CEP250: variants seen among roughly 807,000 people sequenced by gnomAD.
The protein encoded by CEP250 is centrosomal protein 250.
CEP250 carries 242 observed loss-of-function variants against 315.7 expected under a neutral mutation model. The observed-to-expected ratio is 0.77, with a 90% CI of 0.69 to 0.85. CEP250 has a LOEUF of 0.85. Ranked by LOEUF, CEP250 falls within the 40% of genes least tolerant of loss-of-function variation. The pLI, the probability that CEP250 is intolerant of heterozygous loss-of-function variation, is 0.00. For missense variants in CEP250, 2,515 were observed against 2,886.4 expected (o/e 0.87, Z 2.95); for synonymous variants, 1,088 against 1,175.0 (o/e 0.93, Z 1.51).
chr20:35,477,865 C>T lies in CEP250; in HGVS notation c.1864-6C>T. The T allele has an allele frequency of 6.4e-7, 1 of 1,564,722 alleles. No homozygotes were observed. The highest frequency in any genetic ancestry group is 8.7e-7 in the Non-Finnish European group (1 of 1,155,392). On this transcript the variant is annotated splice_polypyrimidine_tract_variant and splice_region_variant and intron_variant, in intron 16 of 34. Transcript: ENST00000397527. Reference sequence around the variant, plus strand: ...GCTTGTACTCCCTTCCCTTTTTGGCCAGTAGTTAGAGGAGGAGAACCAGTC... The same window carrying T: ...GCTTGTACTCCCTTCCCTTTTTGGCTAGTAGTTAGAGGAGGAGAACCAGTC...
At position 35,502,565 on chromosome 20, in the gene CEP250, G is replaced by A. The variant is rs772173920; in HGVS notation, c.4196G>A (p.Arg1399His). The A allele has an allele frequency of 1.5e-5, 24 of 1,614,080 alleles. No individual in the cohort carries two copies. Among genetic ancestry groups the A allele is most frequent in the Admixed American group, 3.3e-5 (2 of 60,002 alleles). ...AAAAATGAGGAAGTAGAGAGTGAGC[G>A]TGAGAGAGCCCAGGCTCTGCAAGAG... ...KLKNEEVESE[R>H]ERAQALQEQG... is the part of the protein sequence containing the mutation. Residue 1399 changes from arginine to histidine, a missense_variant, in exon 30 of 35, where the codon CGT becomes CAT. Transcript: ENST00000397527.
chr20:35,473,842 C>G, intron 13 of CEP250, 28 bp from the exon 14 acceptor site: 1 of 1,592,420 alleles, frequency 6.3e-7, no homozygotes. Context: ...CCTATGGTCT[C>G]TGCTCATCTC....
intron 22 of CEP250, among the ~76,000 whole-genome samples, chr20:35,492,865 T>TTA (rs1270704839): frequency 6.6e-6 from 1 of 152,076 alleles, no homozygotes; most frequent in African/African-American, 2.4e-5. Flanking sequence ...GTAGCTGGGA[T>TTA]TACAGGTGCC....
intron 29 of CEP250, 41 bp from the exon 30 acceptor site, chr20:35,502,349 G>T: frequency 6.6e-7 from 1 of 1,514,504 alleles, no homozygotes; most frequent in East Asian, 2.3e-5. Context: ...GACAGTAGCA[G>T]GGAAGTGTAG....
intron 11 of CEP250, 88 bp from the exon 12 acceptor site, chr20:35,472,585 C>G: frequency 7.5e-7 from 1 of 1,326,306 alleles, no homozygotes; most frequent in Non-Finnish European, 1.1e-6. Context: ...AGGAAAACAT[C>G]AGGTTTGTCC....
chr20:35,466,853 C>T, intron 7 of CEP250, 113 bp from the exon 8 acceptor site: 1 of 680,964 alleles, frequency 1.5e-6, no homozygotes, highest in Non-Finnish European at 2.7e-6. Flanking sequence ...CATAAACTAT[C>T]TCCTGTAAGT....
rs2064228898 is a variant in CEP250 at position 35,507,739 on chromosome 20, A to G, written c.6638A>G (p.Asp2213Gly). 6.4e-7 allele frequency: 1 copy of G among 1,552,816 alleles called. No homozygotes were observed. The highest frequency in any genetic ancestry group is 1.4e-5 in the African/African-American group (1 of 73,180). The part of the protein sequence containing the change: ...ERDSEQQRLQ[D>G]ELELTRRALE... ...TTGCTCCATACCTCCGTACCCTAGG[A>G]TGAACTGGAGCTCACCAGACGGGCT... Residue 2213 changes from aspartate (D) to glycine (G), a missense_variant and splice_region_variant, in exon 31 of 35, where the codon GAT becomes GGT. Transcript: ENST00000397527.
In CEP250 at chr20:35,480,057, T is replaced by G. The variant is rs759275943; in HGVS notation, c.2498T>G (p.Leu833Arg). ...EQERDAAARQ[L>R]AQAEQEGKTA... ...GAGCGGGATGCTGCAGCCAGACAGCTGGCCCAGGCTGAGCAAGAAGGGAAG... is the reference window on the plus strand; with the variant it reads ...GAGCGGGATGCTGCAGCCAGACAGCGGGCCCAGGCTGAGCAAGAAGGGAAG... The change falls in exon 20 of 35, where the codon CTG (leucine) becomes CGG (arginine). Residue 833 changes from leucine (L) to arginine (R), a missense_variant. Leu to Arg is a moderately radical substitution (Grantham distance 102). Coordinates refer to ENST00000397527, the MANE Select transcript of CEP250 (RefSeq NM_007186.6). The G allele has an allele frequency of 3.7e-6, 6 of 1,613,198 alleles. No homozygotes were observed. The highest frequency in any genetic ancestry group is 5.1e-6 in the Non-Finnish European group (6 of 1,180,018).
rs1191128360 is a variant in CEP250 at position 35,462,422 on chromosome 20, G to C, written c.55G>C (p.Val19Leu). ...CATGAAGCCCCAGTCACTGCAGCTGGTACTGGAAGAGCAGGTGCTGGCACT... is the reference window on the plus strand; with the variant it reads ...CATGAAGCCCCAGTCACTGCAGCTGCTACTGGAAGAGCAGGTGCTGGCACT... ...NNMKPQSLQLVLEEQVLALQQ... is the reference protein window; with the variant it reads ...NNMKPQSLQLLLEEQVLALQQ... Residue 19 changes from valine (V) to leucine (L), a missense_variant, in exon 4 of 35, where the codon GTA becomes CTA. Physicochemically the swap from Val to Leu is conservative, Grantham distance 32. Transcript: ENST00000397527. The C allele has an allele frequency of 6.2e-7, 1 of 1,601,938 alleles. No homozygotes were observed.
intron 32 of CEP250, 127 bp downstream of exon 32, chr20:35,508,317 GTT>G: frequency 1.6e-5 from 13 of 837,668 alleles, no homozygotes; most frequent in Admixed American, 5.9e-5. Context: ...AATTAAGTTT[GTT>G]TTTTTTTTTC....
intron 12 of CEP250, 146 bp downstream of exon 12, chr20:35,472,977 C>G (rs1189806945): frequency 1.3e-6 from 1 of 742,086 alleles, no homozygotes; most frequent in Admixed American, 2.8e-5. Flanking sequence ...GTAAATCTGC[C>G]TATGTCTGCT....
rs1321762009 is a variant in CEP250 at position 35,504,472 on chromosome 20, G to A, written c.6103G>A (p.Glu2035Lys). 2 of 1,613,554 alleles carry A rather than the reference G, an allele frequency of 1.2e-6. No individual in the cohort carries two copies. Among genetic ancestry groups the A allele is most frequent in the East Asian group, 2.2e-5 (1 of 44,868 alleles). The change falls in exon 30 of 35, where the codon GAG becomes AAG. Residue 2035 changes from glutamate (E) to lysine (K), a missense_variant. By Grantham distance (56) the Glu-to-Lys change is moderately conservative. Coordinates refer to ENST00000397527, the MANE Select transcript of CEP250 (RefSeq NM_007186.6). ...CCAGGACCAGGATCTCCGATACCAG[G>A]AGGATGTGCAGCAGCTGCAGCAGGC... is the stretch of plus-strand genomic sequence containing the variant. ...EIQDQDLRYQ[E>K]DVQQLQQALA... is the part of the protein sequence containing the mutation.
chr20:35,473,362 C>T lies in CEP250; in HGVS notation c.1210-12C>T. The T allele has an allele frequency of 6.2e-7, 1 of 1,602,912 alleles. No individual in the cohort carries two copies. The highest frequency in any genetic ancestry group is 8.5e-7 in the Non-Finnish European group (1 of 1,173,966). ...TGTTCATCATCTGGTTTCTCTTGCT[C>T]TCTCTCCACAGGACCTAAGGCAGCA... On this transcript the variant is annotated splice_polypyrimidine_tract_variant and intron_variant, in intron 12 of 34. Transcript: ENST00000397527.
intron 2 of CEP250, among the ~76,000 whole-genome samples, chr20:35,459,538 T>C (rs1409966147): frequency 6.6e-6 from 1 of 151,882 alleles, no homozygotes; most frequent in Non-Finnish European, 1.5e-5. Context: ...TGCCATTGCT[T>C]TGGGAGGCTT....
At chr20:35,455,250 C>G (rs1275759894), upstream of CEP250, 1 of 152,338 alleles carries the variant, frequency 6.6e-6, no homozygotes, top group African/African-American at 2.4e-5. Flanking sequence ...GAGGTGGGGC[C>G]TCAGGGGCAG....
At chr20:35,510,986 ACT>A (rs1410171473) in intron 34 of CEP250, among the ~76,000 whole-genome samples, 11 of 151,976 alleles carry the variant, frequency 7.2e-5, no homozygotes, top group African/African-American at 1.9e-4. Context: ...ACAGAGCAAG[ACT>A]CTGTCTCAAA....
rs1325009937 is a variant in CEP250, at chr20:35,516,468, G to A, written c.*4842G>A. 1 of 152,212 alleles carries A rather than the reference G, an allele frequency of 6.6e-6. No homozygotes were observed. Among genetic ancestry groups the A allele is most frequent in the African/African-American group, 2.4e-5 (1 of 41,428 alleles). 9.4% of individuals were successfully genotyped at this position (152,212 alleles called of 1,614,324 possible). On this transcript the variant is annotated 3_prime_UTR_variant, in exon 35 of 35. Transcript: ENST00000397527. ...ATGGCCTCGGCTTCTGCTGTTGTAT[G>A]TGGTTTGATGATTCATGCTGGAGCC...
rs548508692 is a variant in CEP250 at position 35,456,039 on chromosome 20, G to A, written c.-298+288G>A. Among the ~76,000 whole-genome samples, 25 of 152,170 alleles carry A rather than the reference G, an allele frequency of 1.6e-4. No individual in the cohort carries two copies. In the East Asian group the frequency reaches 4.6e-3, roughly 28 times the overall value. On this transcript the variant is annotated intron_variant, in intron 1 of 34. Transcript: ENST00000397527. The stretch of plus-strand genomic sequence containing the variant: ...GCCTCCCAAGTAGCTGGGATTGCAG[G>A]CATGCGCCACCACACCCGGCTAATT...
Position 35,472,744 on chromosome 20 carries a change from T to A in CEP250, c.1122T>A (p.Ser374Arg). ...AGAACTCTTTGGAATTGGACTCTAG[T>A]ATCTTCTCCCAGTTTGATTACCAGG... ...GHENSLELDS[S>R]IFSQFDYQDA... The change falls in exon 12 of 35, where the codon AGT becomes AGA. Residue 374 changes from serine (S) to arginine (R), a missense_variant. Ser to Arg is a moderately radical substitution (Grantham distance 110, BLOSUM62 -1). Transcript: ENST00000397527. 1 of 1,614,114 alleles carries A rather than the reference T, an allele frequency of 6.2e-7. No homozygotes were observed. The highest frequency in any genetic ancestry group is 8.5e-7 in the Non-Finnish European group (1 of 1,179,952).
Sources: allele counts gnomAD v4.1 joint callset (sites outside exome capture counted in the v4.1 genomes callset), GRCh38; gene constraint gnomAD v4.1.1; transcripts MANE v1.5; gene names NCBI Gene and HGNC (gene_info 2026-07-23, HGNC 2026-07-21).